Variants in MIDEAS observed in about 807,000 individuals in gnomAD.
MIDEAS encodes the protein mitotic deacetylase associated SANT domain protein.
In MIDEAS, 26 loss-of-function variants were observed where a neutral mutation model predicts 102.7. That is an observed-to-expected ratio of 0.25 (90% CI 0.19 to 0.35). The LOEUF is 0.35. Ranked by LOEUF, MIDEAS falls within the 10% of genes least tolerant of loss-of-function variation. The probability of loss-of-function intolerance (pLI) is 1.00; values close to 1 mark genes in which losing one functional copy is unlikely to be tolerated. For synonymous variants in MIDEAS, 585 were observed against 591.0 expected (o/e 0.99, Z 0.15); for missense variants, 1,231 against 1,435.6 (o/e 0.86, Z 2.30).
At chr14:73,769,781 T>C (rs1041196126) in intron 1 of MIDEAS, among the ~76,000 whole-genome samples, 1 of 152,048 alleles carries the variant, frequency 6.6e-6, no homozygotes, top group Non-Finnish European at 1.5e-5. Flanking sequence ...TTTGTATTTT[T>C]AGTAGAGACG....
upstream of MIDEAS, among the ~76,000 whole-genome samples, chr14:73,787,829 T>G (rs2053832451): frequency 6.6e-6 from 1 of 152,194 alleles, no homozygotes; most frequent in Admixed American, 6.5e-5. Flanking sequence ...AAGCTGGGGC[T>G]GCAGAATGGT....
At chr14:73,747,602 C>G (rs1332660378) in intron 1 of MIDEAS, among the ~76,000 whole-genome samples, 1 of 151,726 alleles carries the variant, frequency 6.6e-6, no homozygotes, top group Admixed American at 6.6e-5. Flanking sequence ...GTGTCAATAC[C>G]CGTCTGTGTG....
chr14:73,788,746 C>G (rs1293212803), upstream of MIDEAS, among the ~76,000 whole-genome samples: 1 of 152,170 alleles, frequency 6.6e-6, no homozygotes, highest in East Asian at 1.9e-4. Flanking sequence ...AGGGATTGCC[C>G]ATTTCAATTT....
At chr14:73,770,251 A>G (rs759698361) in intron 1 of MIDEAS, among the ~76,000 whole-genome samples, 1 of 152,206 alleles carries the variant, frequency 6.6e-6, no homozygotes, top group Non-Finnish European at 1.5e-5. Context: ...TTAAAACTGC[A>G]AAGGAATATT....
chr14:73,758,567 G>A (rs982942007), intron 1 of MIDEAS, among the ~76,000 whole-genome samples: 2 of 152,184 alleles, frequency 1.3e-5, no homozygotes, highest in African/African-American at 4.8e-5. Context: ...GCGGGCCACC[G>A]GGGCCTCCGT....
chr14:73,776,075 C>T (rs1344502032), intron 1 of MIDEAS, among the ~76,000 whole-genome samples: 2 of 151,968 alleles, frequency 1.3e-5, no homozygotes, highest in African/African-American at 2.4e-5. Context: ...AGTGGCACCT[C>T]GCAAACACCC....
chr14:73,777,499 G>A (rs1055180704), intron 1 of MIDEAS, among the ~76,000 whole-genome samples: 4 of 150,542 alleles, frequency 2.7e-5, no homozygotes, highest in East Asian at 3.9e-4. Flanking sequence ...CCCATGGCCC[G>A]GCCCTGCCTG....
chr14:73,777,585 G>T (rs898247912), intron 1 of MIDEAS, among the ~76,000 whole-genome samples: 5 of 151,916 alleles, frequency 3.3e-5, no homozygotes, highest in Admixed American at 2.0e-4. Context: ...GTGTCATGTT[G>T]TGCCTCCAGG....
intron 1 of MIDEAS, among the ~76,000 whole-genome samples, chr14:73,780,829 C>T (rs1216695068): frequency 6.6e-6 from 1 of 152,120 alleles, no homozygotes; most frequent in Non-Finnish European, 1.5e-5. Context: ...GCTTTGATAG[C>T]AATTAAGATC....
intron 1 of MIDEAS, among the ~76,000 whole-genome samples, chr14:73,756,826 G>T (rs1049535317): frequency 1.3e-5 from 2 of 152,172 alleles, no homozygotes; most frequent in African/African-American, 4.8e-5. Flanking sequence ...CAGGAAACTG[G>T]GTTCACCAGC....
chr14:73,737,773 CTTT>C (rs5809628), intron 2 of MIDEAS, among the ~76,000 whole-genome samples: 40 of 89,242 alleles, frequency 4.5e-4, no homozygotes, highest in African/African-American at 1.3e-3. Context: ...TCTCCGACCA[CTTT>C]TTTTTTTTTT....
rs374989771 is a variant in MIDEAS at position 73,739,923 on chromosome 14, G to A, written c.86C>T (p.Pro29Leu). 3.9e-6 allele frequency: 6 copies of A among 1,530,892 alleles called. No homozygotes were observed. The African/African-American group carries it at 8.3e-5, about 21-fold the overall frequency. 94.8% of individuals were successfully genotyped at this position (1,530,892 alleles called of 1,614,324 possible). A position where few individuals can be genotyped will look rare whatever the true frequency, so the allele number is the denominator to read the frequency against. The stretch of plus-strand genomic sequence containing the variant: ...CTGCTGGGGGGGCTGCAGGGGAGGG[G>A]GCTGCTCCTTGGGAGCTGGTTCCTG... The part of the protein sequence containing the change: ...GGQEPAPKEQ[P>L]PPLQPPQQSI... Residue 29 changes from proline to leucine, a missense_variant, in exon 2 of 13, where the codon CCC becomes CTC. Coordinates refer to ENST00000423556, the MANE Select transcript of MIDEAS (RefSeq NM_001367710.1).
intron 1 of MIDEAS, among the ~76,000 whole-genome samples, chr14:73,766,850 C>CTTTTTT (rs1310211553): frequency 5.0e-5 from 6 of 119,674 alleles, no homozygotes; most frequent in African/African-American, 1.8e-4. Context: ...ACTGCCCGGC[C>CTTTTTT]ATTTTTTTTT....
chr14:73,757,781 C>T (rs2140152516), intron 1 of MIDEAS, among the ~76,000 whole-genome samples: 1 of 152,340 alleles, frequency 6.6e-6, no homozygotes, highest in East Asian at 1.9e-4. Context: ...TCAGCTGAAT[C>T]CACAACTGCA....
intron 1 of MIDEAS, among the ~76,000 whole-genome samples, chr14:73,752,558 GC>G (rs2053433512): frequency 6.6e-6 from 1 of 152,080 alleles, no homozygotes; most frequent in Non-Finnish European, 1.5e-5. Flanking sequence ...GTACATGCTA[GC>G]GACCAGGAAG....
rs1242452554 is a variant in MIDEAS, at chr14:73,715,693, G to C, written c.*3150C>G. The C allele has an allele frequency of 2.0e-5, 3 of 152,584 alleles. No homozygotes were observed. Among genetic ancestry groups the C allele is most frequent in the East Asian group, 1.9e-4 (1 of 5,208 alleles). 9.5% of individuals were successfully genotyped at this position (152,584 alleles called of 1,614,324 possible). On this transcript the variant is annotated 3_prime_UTR_variant, in exon 13 of 13. Transcript: ENST00000423556. ...TACCGTCCCAGAAAAGCGAGCCCCA[G>C]TGAAAACAACTAAACAGGCTGAGGC...
chr14:73,756,293 T>TGCGCGCGCGC (rs1245182607), intron 1 of MIDEAS, among the ~76,000 whole-genome samples: 1 of 75,268 alleles, frequency 1.3e-5, no homozygotes, highest in African/African-American at 4.4e-5. Context: ...TGTGTGTGTG[T>TGCGCGCGCGC]GTGCGCGCGC....
chr14:73,715,320 T>C lies in MIDEAS; in HGVS notation c.*3523A>G, dbSNP rs1323584391. 1 of 152,678 alleles carries C rather than the reference T, an allele frequency of 6.5e-6. No individual in the cohort carries two copies. The highest frequency in any genetic ancestry group is 1.5e-5 in the Non-Finnish European group (1 of 68,048). The allele number at this position is 152,678 out of a possible 1,614,324, so 9.5% of individuals were successfully genotyped here. On this transcript the variant is annotated 3_prime_UTR_variant, in exon 13 of 13. Transcript: ENST00000423556. The stretch of plus-strand genomic sequence containing the variant: ...CAGCAAAAGAGGTAATATTTATATA[T>C]GTACACTATTTTAATATGTAACAGT...
chr14:73,767,570 T>G (rs2053602720), intron 1 of MIDEAS, among the ~76,000 whole-genome samples: 1 of 149,828 alleles, frequency 6.7e-6, no homozygotes, highest in African/African-American at 2.5e-5. Flanking sequence ...CCCAGGAGTT[T>G]GAGGCTGCAG....
Sources: allele counts gnomAD v4.1 joint callset (sites outside exome capture counted in the v4.1 genomes callset), GRCh38; gene constraint gnomAD v4.1.1; transcripts MANE v1.5; gene names NCBI Gene and HGNC (gene_info 2026-07-23, HGNC 2026-07-21).